Variants in ABI1 observed in about 807,000 individuals in gnomAD.
ABI1 encodes the protein Abelson interactor 1.
In ABI1, 14 loss-of-function variants were observed where a neutral mutation model predicts 54.6. That is an observed-to-expected ratio of 0.26 (90% CI 0.17 to 0.40). The LOEUF (loss-of-function observed/expected upper bound fraction) is 0.40, where lower values mean the gene tolerates loss of function less well. Ranked by LOEUF, ABI1 falls within the 10% of genes least tolerant of loss-of-function variation. The pLI is 1.00. For missense variants in ABI1, 443 were observed against 598.3 expected (o/e 0.74, Z 2.71); for synonymous variants, 194 against 209.3 (o/e 0.93, Z 0.63).
intron 2 of ABI1, among the ~76,000 whole-genome samples, chr10:26,798,071 T>C (rs1490019962): frequency 2.0e-5 from 3 of 151,826 alleles, no homozygotes; most frequent in African/African-American, 7.3e-5. Context: ...GTAAAGAAAA[T>C]CCAGGGAGAC....
intron 8 of ABI1, among the ~76,000 whole-genome samples, chr10:26,757,901 C>CT (rs1838523254): frequency 6.6e-6 from 1 of 151,720 alleles, no homozygotes; most frequent in African/African-American, 2.4e-5. Context: ...AATGCTGTCC[C>CT]TTCTAAAAAT....
At chr10:26,790,914 C>CA (rs1843342270) in intron 2 of ABI1, among the ~76,000 whole-genome samples, 1 of 151,444 alleles carries the variant, frequency 6.6e-6, no homozygotes, top group East Asian at 1.9e-4. Context: ...ACAAAAAATG[C>CA]AAAAAAATTT....
At chr10:26,828,780 A>G (rs1471406572) in intron 1 of ABI1, among the ~76,000 whole-genome samples, 1 of 152,200 alleles carries the variant, frequency 6.6e-6, no homozygotes, top group African/African-American at 2.4e-5. Context: ...TAATACTGAA[A>G]TTATTACCGA....
chr10:26,789,699 G>T (rs11015289), intron 2 of ABI1, among the ~76,000 whole-genome samples: 9,360 of 152,108 alleles, frequency 0.062, 430 homozygotes, highest in East Asian at 0.19. Context: ...TGTGTCATGG[G>T]TGTTTGTTGT....
chr10:26,746,753 C>T lies in ABI1; in HGVS notation c.*1817G>A. 1 of 441,910 alleles carries T rather than the reference C, an allele frequency of 2.3e-6. No individual in the cohort carries two copies. The highest frequency in any genetic ancestry group is 4.2e-6 in the Non-Finnish European group (1 of 238,132). 27.4% of individuals were successfully genotyped at this position (441,910 alleles called of 1,614,324 possible). Reference sequence around the variant, plus strand: ...GTATTGTTTACACTGTTAATATCCACATGTAAGGCCATTACACAAATAAAT... The same window carrying T: ...GTATTGTTTACACTGTTAATATCCATATGTAAGGCCATTACACAAATAAAT... On this transcript the variant is annotated 3_prime_UTR_variant, in exon 11 of 11. Transcript: ENST00000376140.
chr10:26,806,951 T>C (rs541696876), intron 2 of ABI1, among the ~76,000 whole-genome samples: 1 of 152,238 alleles, frequency 6.6e-6, no homozygotes, highest in Non-Finnish European at 1.5e-5. Flanking sequence ...TTGTCCAACA[T>C]GCATGTAATT....
intron 1 of ABI1, among the ~76,000 whole-genome samples, chr10:26,830,420 G>C (rs2048589432): frequency 6.6e-6 from 1 of 151,928 alleles, no homozygotes; most frequent in African/African-American, 2.4e-5. Context: ...TCAGGAGTTC[G>C]AGACCAGCCT....
At chr10:26,757,272 A>G (rs1838438171) in intron 8 of ABI1, among the ~76,000 whole-genome samples, 1 of 152,208 alleles carries the variant, frequency 6.6e-6, no homozygotes, top group Non-Finnish European at 1.5e-5. Flanking sequence ...TTGACAAAAC[A>G]TAATAATTTA....
At chr10:26,850,797 C>T (rs1011512338) in intron 1 of ABI1, among the ~76,000 whole-genome samples, 6 of 151,148 alleles carry the variant, frequency 4.0e-5, no homozygotes, top group South Asian at 4.2e-4. Flanking sequence ...TTCAAACAAG[C>T]GGAGGGGTCA....
At chr10:26,813,189 C>T (rs2047348593) in intron 2 of ABI1, among the ~76,000 whole-genome samples, 1 of 151,176 alleles carries the variant, frequency 6.6e-6, no homozygotes, top group South Asian at 2.1e-4. Context: ...GCGGAGGTTG[C>T]AATGGGTCAA....
At chr10:26,791,068 C>CA (rs369738380) in intron 2 of ABI1, among the ~76,000 whole-genome samples, 6,720 of 58,750 alleles carry the variant, frequency 0.11, 507 homozygotes, top group East Asian at 0.29. Flanking sequence ...GATTCCGTCT[C>CA]AAAAAAAAAA....
intron 1 of ABI1, among the ~76,000 whole-genome samples, chr10:26,842,973 G>A (rs546041492): frequency 8.7e-4 from 133 of 152,254 alleles, no homozygotes; most frequent in Non-Finnish European, 1.6e-3. Context: ...GAACCCGGGA[G>A]GAGGAGGCTG....
chr10:26,848,561 T>A (rs1225229570), intron 1 of ABI1, among the ~76,000 whole-genome samples: 2 of 151,000 alleles, frequency 1.3e-5, no homozygotes, highest in Non-Finnish European at 2.9e-5. Context: ...GACCCAAATA[T>A]TAAGAACCAA....
chr10:26,797,575 A>AGAT (rs1844356346), intron 2 of ABI1, among the ~76,000 whole-genome samples: 1 of 152,182 alleles, frequency 6.6e-6, no homozygotes, highest in South Asian at 2.1e-4. Context: ...AGCTCAAATG[A>AGAT]GATAAGCAGA....
At chr10:26,791,091 A>G (rs955444547) in intron 2 of ABI1, among the ~76,000 whole-genome samples, 2 of 147,358 alleles carry the variant, frequency 1.4e-5, no homozygotes, top group East Asian at 3.9e-4. Context: ...AAAAAAAAAA[A>G]CAGAGCGAAT....
chr10:26,769,172 T>C (rs1002116554), intron 5 of ABI1, among the ~76,000 whole-genome samples, 180 bp from the exon 6 acceptor site: 14 of 152,168 alleles, frequency 9.2e-5, no homozygotes, highest in Non-Finnish European at 1.3e-4. Context: ...TACTTTAACA[T>C]GAAAACTAAA....
chr10:26,786,403 C>T (rs995462103), intron 2 of ABI1, among the ~76,000 whole-genome samples: 2 of 151,860 alleles, frequency 1.3e-5, no homozygotes, highest in African/African-American at 4.8e-5. Flanking sequence ...TTTGTAGAGA[C>T]GGGGCTTCAC....
At chr10:26,839,065 C>A (rs75320634) in intron 1 of ABI1, among the ~76,000 whole-genome samples, 7,451 of 152,260 alleles carry the variant, frequency 0.049, 260 homozygotes, top group Non-Finnish European at 0.074. Flanking sequence ...GATAACTGAG[C>A]ATGTTTTTGA....
At chr10:26,816,217 G>A (rs1053065431) in intron 2 of ABI1, among the ~76,000 whole-genome samples, 8 of 152,176 alleles carry the variant, frequency 5.3e-5, no homozygotes, top group African/African-American at 1.9e-4. Context: ...TGAAACTGCA[G>A]CAAATACATG....
Sources: allele counts gnomAD v4.1 joint callset (sites outside exome capture counted in the v4.1 genomes callset), GRCh38; gene constraint gnomAD v4.1.1; transcripts MANE v1.5; gene names NCBI Gene and HGNC (gene_info 2026-07-23, HGNC 2026-07-21).